The following RASA1 variants were observed in gnomAD, a reference collection of about 807,000 sequenced individuals.
The protein encoded by RASA1 is RAS p21 protein activator 1.
In RASA1, 25 loss-of-function variants were observed where a neutral mutation model predicts 132.2. That is an observed-to-expected ratio of 0.19 (90% CI 0.14 to 0.26). RASA1 has a LOEUF of 0.26. RASA1 is among the 10% of genes least tolerant of loss of function. The pLI, the probability that RASA1 is intolerant of heterozygous loss-of-function variation, is 1.00. For missense variants in RASA1, 964 were observed against 1,299.2 expected, an observed-to-expected ratio of 0.74 and a Z score of 3.97; for synonymous variants, 477 against 449.9, an observed-to-expected ratio of 1.06 and a Z score of -0.76.
At chr5:87,345,110 A>G (rs1327667089) in intron 6 of RASA1, among the ~76,000 whole-genome samples, 1 of 152,000 alleles carries the variant, frequency 6.6e-6, no homozygotes, top group East Asian at 1.9e-4. Flanking sequence ...AAGTACTGGG[A>G]TTACAGGTGT....
intron 1 of RASA1, among the ~76,000 whole-genome samples, chr5:87,284,758 GA>G (rs1262865249): frequency 1.3e-5 from 2 of 151,866 alleles, no homozygotes; most frequent in African/African-American, 4.8e-5. Context: ...AGGGAATTTG[GA>G]AAAAAAGAAC....
At chr5:87,306,108 C>T (rs911216922) in intron 1 of RASA1, among the ~76,000 whole-genome samples, 16 of 152,304 alleles carry the variant, frequency 1.1e-4, no homozygotes, top group Admixed American at 2.0e-4. Context: ...CCATAAATCT[C>T]ATTAGTGGGT....
At chr5:87,280,085 G>T (rs1754249392) in intron 1 of RASA1, among the ~76,000 whole-genome samples, 1 of 152,220 alleles carries the variant, frequency 6.6e-6, no homozygotes, top group African/African-American at 2.4e-5. Context: ...CGCTGGCTCT[G>T]TTTCTCTTAC....
chr5:87,269,392 G>T, intron 1 of RASA1: 1 of 1,331,614 alleles, frequency 7.5e-7, no homozygotes, highest in South Asian at 1.3e-5. Flanking sequence ...GAGAAGCTTT[G>T]AATACAGGTG....
At position 87,331,335 on chromosome 5, in the gene RASA1, GT is replaced by G; in HGVS notation, c.540-8del. ...CTATTTATATTGTAATATCTTCTCT[GT>G]TTTTCCCCTAGGTGGTATCACGGAA... On this transcript the variant is annotated splice_polypyrimidine_tract_variant and intron_variant, in intron 1 of 24. Transcript: ENST00000274376. 6.3e-7 allele frequency: 1 copy of G among 1,589,470 alleles called. No individual in the cohort carries two copies. The highest frequency in any genetic ancestry group is 8.6e-7 in the Non-Finnish European group (1 of 1,157,858).
chr5:87,335,724 C>T (rs528159466), intron 4 of RASA1, among the ~76,000 whole-genome samples: 1 of 152,024 alleles, frequency 6.6e-6, no homozygotes, highest in East Asian at 1.9e-4. Context: ...TCGTGGCTGG[C>T]CAAGAATGAG....
Position 87,358,138 on chromosome 5 carries a change from C to A in RASA1, c.1333-4413C>A, listed in dbSNP as rs560520245. On this transcript the variant is annotated intron_variant, in intron 9 of 24. Transcript: ENST00000274376. ...TTCCAATGAGGTGACCCTGTGTACC[C>A]ACACTCAGGCTAAGATGCTGGCAAA... is the stretch of plus-strand genomic sequence containing the variant. Among the ~76,000 whole-genome samples the A allele has an allele frequency of 2.6e-5, 4 of 152,196 alleles. No individual in the cohort carries two copies. The Middle Eastern group carries it at 0.01, about 388-fold the overall frequency.
At chr5:87,362,897 T>C (rs1354673878) in intron 10 of RASA1, among the ~76,000 whole-genome samples, 4 of 151,514 alleles carry the variant, frequency 2.6e-5, no homozygotes, top group Non-Finnish European at 2.9e-5. Context: ...TTTTTTTCTT[T>C]CTTTCTTTCT....
intron 19 of RASA1, 102 bp downstream of exon 19, chr5:87,379,952 A>G (rs1178763018): frequency 1.7e-6 from 2 of 1,196,084 alleles, no homozygotes; most frequent in Non-Finnish European, 1.2e-6. Flanking sequence ...TAATATTATT[A>G]TACTCTGAAA....
Position 87,341,330 on chromosome 5 carries a change from G to A in RASA1, c.1049+9G>A. The A allele has an allele frequency of 7.5e-7, 1 of 1,329,040 alleles. No individual in the cohort carries two copies. The highest frequency in any genetic ancestry group is 9.6e-7 in the Non-Finnish European group (1 of 1,037,746). The allele number at this position is 1,329,040 out of a possible 1,614,324, so 82.3% of individuals were successfully genotyped here. A position where few individuals can be genotyped will look rare whatever the true frequency, so the allele number is the denominator to read the frequency against. On this transcript the variant is annotated intron_variant, in intron 6 of 24. Transcript: ENST00000274376. ...CCACATGAAGGAAAAATGTGAGTTT[G>A]TGTTAATTATTAAAATGAAAAAAAA...
chr5:87,292,699 G>A (rs1754960811), intron 1 of RASA1, among the ~76,000 whole-genome samples: 1 of 152,066 alleles, frequency 6.6e-6, no homozygotes, highest in Non-Finnish European at 1.5e-5. Flanking sequence ...TAATTGCTGG[G>A]ATATTGATTG....
chr5:87,373,822 A>G (rs956177154), intron 13 of RASA1, among the ~76,000 whole-genome samples: 1 of 152,006 alleles, frequency 6.6e-6, no homozygotes, highest in Non-Finnish European at 1.5e-5. Context: ...TTGTTTACTT[A>G]TATTAATAAA....
chr5:87,282,928 A>C (rs1185395729), intron 1 of RASA1, among the ~76,000 whole-genome samples: 1 of 152,114 alleles, frequency 6.6e-6, no homozygotes, highest in Non-Finnish European at 1.5e-5. Context: ...GAATGACTAA[A>C]CTGAGCTAAT....
chr5:87,317,781 G>A (rs779681887), intron 1 of RASA1, among the ~76,000 whole-genome samples: 25 of 151,756 alleles, frequency 1.6e-4, no homozygotes, highest in South Asian at 1.5e-3. Flanking sequence ...GATTACAGGC[G>A]CATACCACCA....
chr5:87,330,832 C>T (rs1201235532), intron 1 of RASA1: 8 of 591,756 alleles, frequency 1.4e-5, no homozygotes, highest in African/African-American at 5.8e-5. Context: ...ATCAGCTTCA[C>T]GTTCAAACAG....
At chr5:87,371,045 TGTTAGAAATTGA>T (rs1230775979) in intron 12 of RASA1, among the ~76,000 whole-genome samples, 1 of 152,162 alleles carries the variant, frequency 6.6e-6, no homozygotes, top group African/African-American at 2.4e-5. Context: ...TTTTTTTAAA[TGTTAGAAATTGA>T]GTTAGAAATT....
At chr5:87,383,141 A>G (rs1761839333) in intron 20 of RASA1, among the ~76,000 whole-genome samples, 1 of 152,088 alleles carries the variant, frequency 6.6e-6, no homozygotes, top group South Asian at 2.1e-4. Flanking sequence ...CCAGTGTTCT[A>G]TTATAGACAT....
At chr5:87,279,967 G>A (rs891911579) in intron 1 of RASA1, among the ~76,000 whole-genome samples, 8 of 152,252 alleles carry the variant, frequency 5.3e-5, no homozygotes, top group Admixed American at 4.6e-4. Context: ...GACCCCCAGG[G>A]AGGCTGCTAG....
Position 87,372,198 on chromosome 5 carries a change from G to C in RASA1, c.1776+3G>C. 6.2e-7 allele frequency: 1 copy of C among 1,612,578 alleles called. No individual in the cohort carries two copies. The highest frequency in any genetic ancestry group is 8.5e-7 in the Non-Finnish European group (1 of 1,178,850). On this transcript the variant is annotated splice_donor_region_variant and intron_variant, in intron 13 of 24. Coordinates refer to ENST00000274376, the MANE Select transcript of RASA1 (RefSeq NM_002890.3). ...CATCCAATAAACGCCTTCGTCAGGT[G>C]AAGCTTAATTTTCTTGGATTTTTAA...
Sources: gnomAD v4.1 joint callset for allele counts (sites outside exome capture counted in the v4.1 genomes callset) on GRCh38, gnomAD v4.1.1 for gene constraint, MANE v1.5 for transcripts, NCBI Gene and HGNC (gene_info 2026-07-23, HGNC 2026-07-21) for gene names.